The following TMEM45A variants were observed in gnomAD, a reference collection of about 807,000 sequenced individuals.
TMEM45A encodes the protein transmembrane protein 45A.
A neutral mutation model predicts 32.0 loss-of-function variants in TMEM45A; 25 were observed. The ratio of observed to expected loss-of-function variants is 0.78; its 90% CI spans 0.57 to 1.09. The LOEUF is 1.09. TMEM45A is among the 50% of genes least tolerant of loss of function. The pLI is 0.00. For missense variants in TMEM45A, 302 were observed against 325.0 expected (o/e 0.93, Z 0.54); for synonymous variants, 122 against 114.8 (o/e 1.06, Z -0.40).
At chr3:100,523,723 TCTC>T (rs1288893659) in intron 1 of TMEM45A, among the ~76,000 whole-genome samples, 6 of 146,920 alleles carry the variant, frequency 4.1e-5, no homozygotes, top group African/African-American at 7.6e-5. Context: ...TTCTCCTCCT[TCTC>T]CTCCTCCTTT....
chr3:100,538,131 T>C (rs192953672), intron 1 of TMEM45A, among the ~76,000 whole-genome samples: 1 of 152,330 alleles, frequency 6.6e-6, no homozygotes, highest in East Asian at 1.9e-4. Flanking sequence ...AATTTACCTT[T>C]CTGGATGTCT....
chr3:100,497,325 T>C (rs60071944), intron 1 of TMEM45A, among the ~76,000 whole-genome samples: 34,030 of 152,152 alleles, frequency 0.22, 4,188 homozygotes, highest in East Asian at 0.36. Context: ...AGAAAAGCCA[T>C]GGAGAGCATT....
At chr3:100,562,798 C>T (rs1368294811) in intron 4 of TMEM45A, among the ~76,000 whole-genome samples, 1 of 152,034 alleles carries the variant, frequency 6.6e-6, no homozygotes, top group East Asian at 1.9e-4. Context: ...AAAATATATG[C>T]TATAACTTGA....
rs934736604 is a variant in TMEM45A at position 100,496,583 on chromosome 3, G to A, written c.-4+3655G>A. On this transcript the variant is annotated intron_variant, in intron 1 of 5. Coordinates refer to ENST00000323523, the MANE Select transcript of TMEM45A (RefSeq NM_018004.3). ...TGGAAGGAAGATCATTGGAGAAAGG[G>A]CATATTTGGAGATATTGATTTGGTA... is the stretch of plus-strand genomic sequence containing the variant. 1.2e-4 allele frequency among the ~76,000 whole-genome samples: 18 copies of A among 152,232 alleles called. 1 individual carries two copies. The highest frequency in any genetic ancestry group is 1.5e-5 in the Non-Finnish European group (1 of 68,036).
chr3:100,503,994 C>G (rs1708044444), intron 1 of TMEM45A, among the ~76,000 whole-genome samples: 1 of 152,168 alleles, frequency 6.6e-6, no homozygotes, highest in African/African-American at 2.4e-5. Flanking sequence ...GGCAAGTGCT[C>G]AGGTTTAATG....
intron 1 of TMEM45A, among the ~76,000 whole-genome samples, chr3:100,533,899 G>T (rs1196933228): frequency 6.6e-6 from 1 of 152,180 alleles, no homozygotes; most frequent in Non-Finnish European, 1.5e-5. Flanking sequence ...AGTGGTCTTT[G>T]TATTAGAGTA....
intron 1 of TMEM45A, among the ~76,000 whole-genome samples, chr3:100,548,436 G>A (rs573885033): frequency 6.6e-6 from 1 of 152,278 alleles, no homozygotes; most frequent in South Asian, 2.1e-4. Context: ...GAGAGTGAAC[G>A]AGAAGCTCTC....
In TMEM45A at chr3:100,544,077, G is replaced by GTT. The variant is rs147012692; in HGVS notation, c.-3-11132_-3-11131insTT. Among the ~76,000 whole-genome samples, 57 of 148,262 alleles carry GTT rather than the reference G, an allele frequency of 3.8e-4. 2 individuals carry two copies. Among genetic ancestry groups the GTT allele is most frequent in the Admixed American group, 2.3e-3 (35 of 15,072 alleles). On this transcript the variant is annotated intron_variant, in intron 1 of 5. Coordinates refer to ENST00000323523, the MANE Select transcript of TMEM45A (RefSeq NM_018004.3). ...ATTTGGACATATAGAAGTTTTAAGT[G>GTT]GTTTTTTTTTTTGCTATTATACAAG...
intron 1 of TMEM45A, among the ~76,000 whole-genome samples, chr3:100,494,752 G>A (rs970690875): frequency 2.0e-5 from 3 of 152,156 alleles, no homozygotes; most frequent in Admixed American, 6.5e-5. Flanking sequence ...GCAGAGAAGC[G>A]ATGTAAAGAG....
chr3:100,536,990 C>T (rs757950389), intron 1 of TMEM45A, among the ~76,000 whole-genome samples: 4 of 152,176 alleles, frequency 2.6e-5, no homozygotes, highest in Non-Finnish European at 5.9e-5. Flanking sequence ...GGCACGATCT[C>T]GGCTCACTAC....
At chr3:100,493,893 A>G (rs1402278982) in intron 1 of TMEM45A, among the ~76,000 whole-genome samples, 2 of 151,960 alleles carry the variant, frequency 1.3e-5, no homozygotes, top group African/African-American at 4.8e-5. Flanking sequence ...CACCGTGCCC[A>G]GCTAATTTTT....
At position 100,577,061 on chromosome 3, in the gene TMEM45A, T is replaced by C; in HGVS notation, c.*43T>C. On this transcript the variant is annotated 3_prime_UTR_variant, in exon 6 of 6. Transcript: ENST00000323523. ...TTTTTCTAGATAAACCTTTTCTTTT[T>C]TACATTGTTCTTGGTTTTGTTTCTC... The C allele has an allele frequency of 6.6e-7, 1 of 1,507,406 alleles. No individual in the cohort carries two copies. Among genetic ancestry groups the C allele is most frequent in the Non-Finnish European group, 9.1e-7 (1 of 1,099,570 alleles). The allele number at this position is 1,507,406 out of a possible 1,614,324, so 93.4% of individuals were successfully genotyped here. A position where few individuals can be genotyped will look rare whatever the true frequency, so the allele number is the denominator to read the frequency against.
At chr3:100,514,582 T>G (rs59596155) in intron 1 of TMEM45A, among the ~76,000 whole-genome samples, 73,494 of 151,140 alleles carry the variant, frequency 0.49, 20,189 homozygotes, top group African/African-American at 0.76. Flanking sequence ...ACTTCATGTC[T>G]AAAACACCAA....
At chr3:100,503,740 T>G (rs934861434) in intron 1 of TMEM45A, among the ~76,000 whole-genome samples, 2 of 152,214 alleles carry the variant, frequency 1.3e-5, no homozygotes, top group African/African-American at 4.8e-5. Flanking sequence ...GGTTTCAACC[T>G]CTTCTCAGGC....
chr3:100,539,640 C>T (rs1472854388), intron 1 of TMEM45A, among the ~76,000 whole-genome samples: 4 of 152,064 alleles, frequency 2.6e-5, no homozygotes, highest in East Asian at 1.9e-4. Context: ...ACCAGGAGCT[C>T]CTATGTCCAA....
At chr3:100,506,002 A>G (rs1708074721) in intron 1 of TMEM45A, among the ~76,000 whole-genome samples, 1 of 152,204 alleles carries the variant, frequency 6.6e-6, no homozygotes, top group Non-Finnish European at 1.5e-5. Context: ...GAGGACCCCG[A>G]TAACTGCAGA....
At chr3:100,572,460 T>G (rs1189842337) in intron 5 of TMEM45A, 2 of 151,812 alleles carry the variant, frequency 1.3e-5, no homozygotes, top group East Asian at 1.9e-4. Context: ...TGTTTTTTTC[T>G]TGTAAATTTG....
At chr3:100,547,249 G>A (rs1430084540) in intron 1 of TMEM45A, among the ~76,000 whole-genome samples, 1 of 152,066 alleles carries the variant, frequency 6.6e-6, no homozygotes, top group Non-Finnish European at 1.5e-5. Context: ...AGCCTCCTGA[G>A]TAGCTGGGAT....
intron 1 of TMEM45A, among the ~76,000 whole-genome samples, chr3:100,508,472 T>C (rs961840486): frequency 1.1e-4 from 17 of 152,066 alleles, no homozygotes; most frequent in African/African-American, 4.1e-4. Context: ...CTAAAAATTG[T>C]ATGGAACCAA....
Sources: allele counts gnomAD v4.1 joint callset (sites outside exome capture counted in the v4.1 genomes callset), GRCh38; gene constraint gnomAD v4.1.1; transcripts MANE v1.5; gene names NCBI Gene and HGNC (gene_info 2026-07-23, HGNC 2026-07-21).